Variants in AUTS2 observed in about 807,000 individuals in gnomAD.
AUTS2 encodes the protein autism susceptibility gene 2 protein.
A neutral mutation model predicts 112.4 loss-of-function variants in AUTS2; 17 were observed. The observed-to-expected ratio is 0.15, with a 90% confidence interval of 0.10 to 0.23. AUTS2 has a LOEUF of 0.23. Ranked by LOEUF, AUTS2 falls within the 10% of genes least tolerant of loss-of-function variation. The pLI, the probability that AUTS2 is intolerant of heterozygous loss-of-function variation, is 1.00. For synonymous variants in AUTS2, 751 were observed against 702.7 expected, an observed-to-expected ratio of 1.07 and a Z score of -1.09; for missense variants, 1,510 against 1,701.6, an observed-to-expected ratio of 0.89 and a Z score of 1.98.
intron 2 of AUTS2, among the ~76,000 whole-genome samples, chr7:70,007,180 GGTTTT>G (rs1213365041): frequency 1.3e-5 from 2 of 152,090 alleles, no homozygotes; most frequent in Admixed American, 6.5e-5. Flanking sequence ...AGACAACCTT[GGTTTT>G]GTTTTAAGTT....
chr7:70,712,369 A>G (rs2129550090), intron 6 of AUTS2, among the ~76,000 whole-genome samples: 1 of 152,136 alleles, frequency 6.6e-6, no homozygotes, highest in South Asian at 2.1e-4. Flanking sequence ...TTGATATGTC[A>G]GGGATTAGCT....
At chr7:70,495,040 A>G (rs951487409) in intron 5 of AUTS2, among the ~76,000 whole-genome samples, 9 of 152,170 alleles carry the variant, frequency 5.9e-5, no homozygotes, top group Non-Finnish European at 8.8e-5. Flanking sequence ...CTGTGTGGCT[A>G]TTACCCCTAA....
At chr7:70,555,498 G>A (rs1182692089) in intron 5 of AUTS2, among the ~76,000 whole-genome samples, 4 of 152,110 alleles carry the variant, frequency 2.6e-5, no homozygotes. Context: ...TTTTTCCAGA[G>A]TTACCTCCTT....
intron 4 of AUTS2, among the ~76,000 whole-genome samples, chr7:70,230,899 C>G (rs1812011189): frequency 6.6e-6 from 1 of 152,212 alleles, no homozygotes; most frequent in Non-Finnish European, 1.5e-5. Flanking sequence ...TAAAATCAGT[C>G]ATTTCTAGGA....
chr7:70,250,269 C>G (rs988331790), intron 4 of AUTS2, among the ~76,000 whole-genome samples: 7 of 152,182 alleles, frequency 4.6e-5, no homozygotes, highest in Non-Finnish European at 2.9e-5. Flanking sequence ...AATGGTCAGA[C>G]TGTCTGGATT....
chr7:70,334,893 C>T (rs1232422852), intron 4 of AUTS2, among the ~76,000 whole-genome samples: 1 of 152,098 alleles, frequency 6.6e-6, no homozygotes, highest in East Asian at 1.9e-4. Flanking sequence ...TGCTAACCAG[C>T]CAACAGCTAG....
chr7:69,626,078 G>GTC (rs1793930198), intron 1 of AUTS2, among the ~76,000 whole-genome samples: 1 of 152,156 alleles, frequency 6.6e-6, no homozygotes, highest in African/African-American at 2.4e-5. Context: ...ACAGAAACGA[G>GTC]AGGGTGTTCC....
chr7:69,607,294 G>T (rs373535487), intron 1 of AUTS2, among the ~76,000 whole-genome samples: 1 of 151,982 alleles, frequency 6.6e-6, no homozygotes. Context: ...TAGATTCCCC[G>T]CTCACCTGCT....
At chr7:70,540,779 G>A (rs1284797468) in intron 5 of AUTS2, among the ~76,000 whole-genome samples, 1 of 152,192 alleles carries the variant, frequency 6.6e-6, no homozygotes, top group African/African-American at 2.4e-5. Flanking sequence ...TTGACCTTGA[G>A]AAGGGTAAAG....
chr7:70,009,785 GC>G (rs1799714740), intron 2 of AUTS2, among the ~76,000 whole-genome samples: 1 of 152,058 alleles, frequency 6.6e-6, no homozygotes, highest in African/African-American at 2.4e-5. Context: ...TAAAATACTT[GC>G]CCAAGGTCAT....
At chr7:69,892,260 C>T (rs1037785267) in intron 1 of AUTS2, among the ~76,000 whole-genome samples, 3 of 151,314 alleles carry the variant, frequency 2.0e-5, no homozygotes, top group Admixed American at 6.6e-5. Flanking sequence ...GCAACCTCCA[C>T]CTCCTGGGTT....
intron 5 of AUTS2, among the ~76,000 whole-genome samples, chr7:70,584,229 G>A (rs533497289): frequency 8.5e-5 from 13 of 152,254 alleles, no homozygotes; most frequent in East Asian, 3.9e-4. Context: ...AATCAAAAGC[G>A]TCCAGTCTGG....
intron 5 of AUTS2, among the ~76,000 whole-genome samples, chr7:70,588,988 G>T (rs989699744): frequency 6.6e-6 from 1 of 152,122 alleles, no homozygotes; most frequent in Admixed American, 6.5e-5. Flanking sequence ...TATATCAGGG[G>T]TTACAAAGCT....
chr7:70,765,013 G>A lies in AUTS2; in HGVS notation c.1468+8G>A, dbSNP rs770393819. On this transcript the variant is annotated splice_region_variant and intron_variant, in intron 8 of 18. Transcript: ENST00000342771. The stretch of plus-strand genomic sequence containing the variant: ...CCGGGAGCACTTACTCAGGTAGGAC[G>A]GAGGGGCCTGTGCTCGTGACCCCGA... 2.0e-5 allele frequency: 32 copies of A among 1,613,468 alleles called. 1 individual carries two copies. The highest frequency in any genetic ancestry group is 1.9e-4 in the South Asian group (17 of 91,032).
At chr7:69,668,406 A>C (rs1249859983) in intron 1 of AUTS2, among the ~76,000 whole-genome samples, 2 of 152,224 alleles carry the variant, frequency 1.3e-5, no homozygotes, top group Non-Finnish European at 2.9e-5. Context: ...GAAAGTACAC[A>C]TGTAGTGTGC....
intron 1 of AUTS2, among the ~76,000 whole-genome samples, chr7:69,618,242 T>G (rs1015299387): frequency 2.6e-5 from 4 of 152,294 alleles, no homozygotes; most frequent in African/African-American, 9.6e-5. Context: ...TCCCCTCGCC[T>G]CCATTTTAAG....
At chr7:69,992,790 C>G (rs890025190) in intron 2 of AUTS2, among the ~76,000 whole-genome samples, 1 of 152,096 alleles carries the variant, frequency 6.6e-6, no homozygotes, top group African/African-American at 2.4e-5. Flanking sequence ...GAGGCTGTGG[C>G]GAGAGGATCG....
At chr7:70,110,221 TA>T (rs1562703119) in intron 2 of AUTS2, among the ~76,000 whole-genome samples, 1 of 152,180 alleles carries the variant, frequency 6.6e-6, no homozygotes, top group Non-Finnish European at 1.5e-5. Flanking sequence ...TTTTCCTTTT[TA>T]AATTTTATTA....
intron 1 of AUTS2, among the ~76,000 whole-genome samples, chr7:69,898,521 G>C (rs900866275): frequency 2.2e-4 from 33 of 152,112 alleles, no homozygotes; most frequent in Non-Finnish European, 4.0e-4. Flanking sequence ...TGGAACCTTG[G>C]TGTGTACTGA....
Sources: gnomAD v4.1 joint callset for allele counts (sites outside exome capture counted in the v4.1 genomes callset) on GRCh38, gnomAD v4.1.1 for gene constraint, MANE v1.5 for transcripts, NCBI Gene and HGNC (gene_info 2026-07-23, HGNC 2026-07-21) for gene names.